CRACR2A: variants seen among roughly 807,000 people sequenced by gnomAD.
CRACR2A encodes the protein calcium release activated channel regulator 2A.
In CRACR2A, 79 loss-of-function variants were observed where a neutral mutation model predicts 90.5. That is an observed-to-expected ratio of 0.87 (90% CI 0.73 to 1.05). The LOEUF is 1.05. Ranked by LOEUF, CRACR2A falls within the 50% of genes least tolerant of loss-of-function variation. CRACR2A has a pLI of 0.00. For missense variants in CRACR2A, 823 were observed against 897.2 expected (o/e 0.92, Z 1.06); for synonymous variants, 338 against 356.7 (o/e 0.95, Z 0.59).
intron 4 of CRACR2A, among the ~76,000 whole-genome samples, chr12:3,681,946 TGA>T (rs995587630): frequency 4.6e-5 from 7 of 151,792 alleles, no homozygotes; most frequent in Middle Eastern, 3.4e-3. Flanking sequence ...GGAAGGAGAG[TGA>T]GAGAGAGTGT....
intron 4 of CRACR2A, among the ~76,000 whole-genome samples, chr12:3,686,915 GC>G (rs1042931544): frequency 5.9e-5 from 9 of 152,158 alleles, no homozygotes; most frequent in African/African-American, 2.2e-4. Flanking sequence ...GGCAGCTTGT[GC>G]TCCTAGCTTG....
chr12:3,710,724 C>T (rs980244441), intron 3 of CRACR2A, among the ~76,000 whole-genome samples: 4 of 149,988 alleles, frequency 2.7e-5, no homozygotes, highest in Non-Finnish European at 5.9e-5. Flanking sequence ...ACCCAGGAGG[C>T]GGAGGTTGCA....
intron 2 of CRACR2A, among the ~76,000 whole-genome samples, chr12:3,719,767 A>G (rs1946129584): frequency 6.6e-6 from 1 of 152,160 alleles, no homozygotes; most frequent in South Asian, 2.1e-4. Flanking sequence ...TCTCTCTTAT[A>G]TCTGCTTTCA....
At chr12:3,621,853 T>C (rs1403219618) in intron 17 of CRACR2A, among the ~76,000 whole-genome samples, 1 of 151,738 alleles carries the variant, frequency 6.6e-6, no homozygotes, top group Non-Finnish European at 1.5e-5. Context: ...CTGCCACCGA[T>C]AAAGGAGAAA....
At chr12:3,652,894 C>G (rs550463319) in intron 10 of CRACR2A, among the ~76,000 whole-genome samples, 1 of 152,202 alleles carries the variant, frequency 6.6e-6, no homozygotes, top group Non-Finnish European at 1.5e-5. Flanking sequence ...ATCAGCAAGA[C>G]GTGCCTAACT....
intron 19 of CRACR2A, among the ~76,000 whole-genome samples, chr12:3,615,839 T>C (rs1001230359): frequency 2.6e-5 from 4 of 152,222 alleles, no homozygotes; most frequent in African/African-American, 9.6e-5. Flanking sequence ...TTTGTCTCTG[T>C]GCCTCTGCAG....
intron 7 of CRACR2A, among the ~76,000 whole-genome samples, chr12:3,660,875 CACACACACACACAA>C (rs1487427467): frequency 6.2e-5 from 7 of 113,016 alleles, no homozygotes; most frequent in African/African-American, 2.0e-4. Context: ...CACACACACA[CACACACACACACAA>C]TTTTGGCCCC....
chr12:3,725,737 A>G (rs1004262963), intron 2 of CRACR2A, among the ~76,000 whole-genome samples: 1 of 152,190 alleles, frequency 6.6e-6, no homozygotes, highest in Admixed American at 6.5e-5. Flanking sequence ...TTGTTTTCAC[A>G]TGATCCTGGA....
chr12:3,673,333 CA>C, intron 7 of CRACR2A, 112 bp downstream of exon 7: 1 of 1,341,620 alleles, frequency 7.5e-7, no homozygotes, highest in African/African-American at 1.5e-5. Flanking sequence ...CTTTGGCAGA[CA>C]GCAAAAGGAG....
chr12:3,666,332 T>TGTGC (rs1945139098), intron 7 of CRACR2A, among the ~76,000 whole-genome samples: 1 of 114,896 alleles, frequency 8.7e-6, no homozygotes, highest in African/African-American at 3.2e-5. Flanking sequence ...GACGGCTGCG[T>TGTGC]GTGTGTGTGT....
chr12:3,660,151 C>A (rs1288478258), intron 7 of CRACR2A, among the ~76,000 whole-genome samples: 1 of 152,090 alleles, frequency 6.6e-6, no homozygotes, highest in East Asian at 1.9e-4. Flanking sequence ...ACATCAGGAC[C>A]CTCTGACCCT....
intron 12 of CRACR2A, among the ~76,000 whole-genome samples, chr12:3,643,378 ATCTTTCTCAAAGAT>A (rs1269821305): frequency 1.3e-5 from 2 of 152,124 alleles, no homozygotes; most frequent in Non-Finnish European, 2.9e-5. Context: ...CTTTCCAAGA[ATCTTTCTCAAAGAT>A]TCCTGTTGTA....
At position 3,658,355 on chromosome 12, in the gene CRACR2A, C is replaced by T. The variant is rs368759379; in HGVS notation, c.762+1209G>A. Among the ~76,000 whole-genome samples the T allele has an allele frequency of 2.8e-4, 42 of 150,602 alleles. No homozygotes were observed. The South Asian group carries it at 7.0e-3, about 25-fold the overall frequency. ...CAGCCTCTCTGTGCAGGATGTCATT[C>T]GGGATAAAGGGGGTGGCTGTCCGAT... On this transcript the variant is annotated intron_variant, in intron 8 of 19. Coordinates refer to ENST00000440314, the MANE Select transcript of CRACR2A (RefSeq NM_001144958.2).
chr12:3,633,251 C>T lies in CRACR2A; in HGVS notation c.1735+353G>A, dbSNP rs1944405230. 6.6e-6 allele frequency among the ~76,000 whole-genome samples: 1 copy of T among 151,902 alleles called. No homozygotes were observed. Among genetic ancestry groups the T allele is most frequent in the African/African-American group, 2.4e-5 (1 of 41,322 alleles). ...CAGGGGGAGCAGGAAGACCCAGGAC[C>T]CTGCTGACAGTGGGGAGGAGTGGTC... On this transcript the variant is annotated intron_variant, in intron 15 of 19. Coordinates refer to ENST00000440314, the MANE Select transcript of CRACR2A (RefSeq NM_001144958.2). This position sits in a 1 kb window ranked among gnomAD's most constrained non-coding sequence, Gnocchi z 4.5.
intron 3 of CRACR2A, among the ~76,000 whole-genome samples, chr12:3,712,667 T>C (rs187982681): frequency 6.6e-5 from 10 of 152,310 alleles, no homozygotes. Flanking sequence ...CAATTCAACA[T>C]GAGATTTGGG....
chr12:3,629,846 CAAGGG>C (rs1944346996), intron 15 of CRACR2A, among the ~76,000 whole-genome samples: 1 of 37,486 alleles, frequency 2.7e-5, no homozygotes, highest in Non-Finnish European at 4.7e-5. Flanking sequence ...AAGGAAAAGA[CAAGGG>C]GGGGGGGGGA....
At chr12:3,750,808 G>C (rs1161347866) in intron 1 of CRACR2A, among the ~76,000 whole-genome samples, 1 of 152,100 alleles carries the variant, frequency 6.6e-6, no homozygotes, top group Non-Finnish European at 1.5e-5. Context: ...CCCCACAACA[G>C]GTTCAGCAAA....
chr12:3,669,164 C>T lies in CRACR2A; in HGVS notation c.671+4282G>A, dbSNP rs1025598128. Among the ~76,000 whole-genome samples the T allele has an allele frequency of 3.3e-5, 5 of 152,270 alleles. No individual in the cohort carries two copies. In the South Asian group the frequency reaches 6.2e-4, roughly 19 times the overall value. On this transcript the variant is annotated intron_variant, in intron 7 of 19. Coordinates refer to ENST00000440314, the MANE Select transcript of CRACR2A (RefSeq NM_001144958.2). Reference sequence around the variant, plus strand: ...TGCCCCCATACATTACAAATACAGACGTTAAGCCCCCACCTCAGACAAGTG... The same window carrying T: ...TGCCCCCATACATTACAAATACAGATGTTAAGCCCCCACCTCAGACAAGTG...
At chr12:3,724,255 A>G (rs950366661) in intron 2 of CRACR2A, among the ~76,000 whole-genome samples, 3 of 152,218 alleles carry the variant, frequency 2.0e-5, no homozygotes, top group African/African-American at 4.8e-5. Flanking sequence ...CACCTGGGAA[A>G]TGCACGCACA....
Sources: gnomAD v4.1 joint callset for allele counts (sites outside exome capture counted in the v4.1 genomes callset) on GRCh38, gnomAD v4.1.1 for gene constraint, Gnocchi (gnomAD v3.1) non-coding constraint, MANE v1.5 for transcripts, NCBI Gene and HGNC (gene_info 2026-07-23, HGNC 2026-07-21) for gene names.